FRMD6: variants seen among roughly 807,000 people sequenced by gnomAD.
The protein encoded by FRMD6 is FERM domain containing 6.
In FRMD6, 37 loss-of-function variants were observed where a neutral mutation model predicts 73.2. The observed-to-expected ratio is 0.51, with a 90% confidence interval of 0.39 to 0.66. FRMD6 has a LOEUF of 0.66. Ranked by LOEUF, FRMD6 falls within the 30% of genes least tolerant of loss-of-function variation. The pLI is 0.00. For synonymous variants in FRMD6, 273 were observed against 282.2 expected, an observed-to-expected ratio of 0.97 and a Z score of 0.33; for missense variants, 714 against 780.5, an observed-to-expected ratio of 0.91 and a Z score of 1.02.
At chr14:51,610,849 A>G (rs780471216) in intron 2 of FRMD6, among the ~76,000 whole-genome samples, 3 of 152,208 alleles carry the variant, frequency 2.0e-5, no homozygotes, top group Non-Finnish European at 2.9e-5. Context: ...TCAGTGGTCA[A>G]TTGATGGAAA....
intron 1 of FRMD6, among the ~76,000 whole-genome samples, chr14:51,548,066 G>A (rs1245167966): frequency 6.6e-6 from 1 of 151,984 alleles, no homozygotes; most frequent in Non-Finnish European, 1.5e-5. Context: ...TCAAGCAGTG[G>A]GAATAATTAC....
At chr14:51,561,961 A>C (rs1173593416) in intron 1 of FRMD6, among the ~76,000 whole-genome samples, 1 of 152,216 alleles carries the variant, frequency 6.6e-6, no homozygotes, top group Non-Finnish European at 1.5e-5. Flanking sequence ...CCATTTTCTA[A>C]AACTACATTT....
chr14:51,436,390 A>G, the FRMD6 span: 1 of 460,318 alleles, frequency 2.2e-6, no homozygotes, highest in East Asian at 5.2e-5. Context: ...GCAGTGCATT[A>G]CTTGACCAGA....
chr14:51,460,328 A>G, the FRMD6 span, among the ~76,000 whole-genome samples: 1 of 152,236 alleles, frequency 6.6e-6, no homozygotes, highest in South Asian at 2.1e-4. Flanking sequence ...CCTGAGGAGC[A>G]TGGAACATAA....
chr14:51,399,534 T>C, the FRMD6 span, among the ~76,000 whole-genome samples: 1 of 152,342 alleles, frequency 6.6e-6, no homozygotes, highest in East Asian at 1.9e-4. Flanking sequence ...AATATAACTT[T>C]ATTACTTTTG....
intron 11 of FRMD6, among the ~76,000 whole-genome samples, chr14:51,721,724 G>GAGGA (rs1566598298): frequency 2.0e-4 from 17 of 85,020 alleles, no homozygotes; most frequent in Non-Finnish European, 3.5e-4. Flanking sequence ...GGAAGGGAGG[G>GAGGA]AGGAAGGGAG....
intron 11 of FRMD6, among the ~76,000 whole-genome samples, chr14:51,720,733 A>G (rs1897510007): frequency 6.6e-6 from 1 of 152,226 alleles, no homozygotes; most frequent in South Asian, 2.1e-4. Flanking sequence ...AGTGGAGTGC[A>G]GTAATAGTGA....
At chr14:51,622,868 C>T (rs1033097151) in intron 2 of FRMD6, among the ~76,000 whole-genome samples, 1 of 152,150 alleles carries the variant, frequency 6.6e-6, no homozygotes, top group Non-Finnish European at 1.5e-5. Flanking sequence ...AGGACTCAAG[C>T]GATCGTCCCA....
At chr14:51,535,692 G>T (rs1432542489) in intron 1 of FRMD6, among the ~76,000 whole-genome samples, 1 of 152,162 alleles carries the variant, frequency 6.6e-6, no homozygotes, top group Non-Finnish European at 1.5e-5. Context: ...AAACATTCAT[G>T]CACATATCTT....
intron 2 of FRMD6, among the ~76,000 whole-genome samples, chr14:51,612,791 A>G (rs1049043103): frequency 6.6e-6 from 1 of 151,710 alleles, no homozygotes; most frequent in Admixed American, 6.5e-5. Flanking sequence ...TGGATATTAA[A>G]TAAACCCCTA....
intron 1 of FRMD6, among the ~76,000 whole-genome samples, chr14:51,511,610 T>C (rs1160440302): frequency 6.6e-6 from 1 of 152,086 alleles, no homozygotes; most frequent in Non-Finnish European, 1.5e-5. Context: ...AGGGAAAAGA[T>C]TGATTAAGAA....
chr14:51,557,957 A>C (rs1191022129), intron 1 of FRMD6, among the ~76,000 whole-genome samples: 2 of 131,774 alleles, frequency 1.5e-5, no homozygotes, highest in African/African-American at 6.0e-5. Context: ...CCCTGAACTA[A>C]AATAAAAGTT....
Position 51,608,724 on chromosome 14 carries a change from C to T in FRMD6, c.-147+38314C>T, listed in dbSNP as rs529576997. Among the ~76,000 whole-genome samples, 10 of 152,278 alleles carry T rather than the reference C, an allele frequency of 6.6e-5. No individual in the cohort carries two copies. In the South Asian group the frequency reaches 1.9e-3, roughly 28 times the overall value. On this transcript the variant is annotated intron_variant, in intron 2 of 14. Coordinates refer to the FRMD6 transcript ENST00000356218. ...CAAAGCTTCCCCTCAACCCCCAGCC[C>T]AACTGAAGTTTGCCTTCACTCCTTC...
chr14:51,705,350 T>C (rs556212288), intron 6 of FRMD6, among the ~76,000 whole-genome samples: 20 of 152,176 alleles, frequency 1.3e-4, no homozygotes, highest in Admixed American at 1.0e-3. Context: ...GGCCTCCATG[T>C]CCTCCACTCT....
chr14:51,479,260 T>A, the FRMD6 span, among the ~76,000 whole-genome samples: 4 of 152,184 alleles, frequency 2.6e-5, no homozygotes, highest in Non-Finnish European at 5.9e-5. Flanking sequence ...AAAGGGTTGG[T>A]TTAACATTTA....
chr14:51,466,556 G>C, the FRMD6 span, among the ~76,000 whole-genome samples: 1 of 152,012 alleles, frequency 6.6e-6, no homozygotes, highest in Non-Finnish European at 1.5e-5. Flanking sequence ...TAAATTAATT[G>C]GTTATATATG....
intron 1 of FRMD6, among the ~76,000 whole-genome samples, chr14:51,536,031 T>C (rs1463804610): frequency 6.7e-6 from 1 of 148,152 alleles, no homozygotes; most frequent in East Asian, 2.0e-4. Context: ...TGCAAATCCT[T>C]GCCCATATAT....
chr14:51,660,613 G>GAAAAAAAAAAAAAAAAAAA (rs10605746), intron 1 of FRMD6, among the ~76,000 whole-genome samples: 1 of 139,568 alleles, frequency 7.2e-6, no homozygotes, highest in Non-Finnish European at 1.5e-5. Context: ...TAAAATAAAG[G>GAAAAAAAAAAAAAAAAAAA]AAAAAAAAAA....
At chr14:51,468,799 A>G in the FRMD6 span, among the ~76,000 whole-genome samples, 2 of 151,536 alleles carry the variant, frequency 1.3e-5, no homozygotes, top group African/African-American at 4.9e-5. Flanking sequence ...GCTTGCTTTC[A>G]TTTCCTTCCT....
Sources: allele counts gnomAD v4.1 joint callset (sites outside exome capture counted in the v4.1 genomes callset), GRCh38; gene constraint gnomAD v4.1.1; transcripts MANE v1.5; gene names NCBI Gene and HGNC (gene_info 2026-07-23, HGNC 2026-07-21).